OTUD7A: variants seen among roughly 807,000 people sequenced by gnomAD.
The protein encoded by OTUD7A is OTU domain-containing protein 7A.
A neutral mutation model predicts 65.7 loss-of-function variants in OTUD7A; 12 were observed. The ratio of observed to expected loss-of-function variants is 0.18; its 90% confidence interval spans 0.12 to 0.30. The LOEUF is 0.30. Ranked by LOEUF, OTUD7A falls within the 10% of genes least tolerant of loss-of-function variation. OTUD7A has a pLI of 1.00. For missense variants in OTUD7A, 1,148 were observed against 1,304.8 expected (o/e 0.88, Z 1.85); for synonymous variants, 641 against 586.3 (o/e 1.09, Z -1.35).
At chr15:31,761,605 A>G (rs1894965280) in intron 1 of OTUD7A, among the ~76,000 whole-genome samples, 1 of 152,240 alleles carries the variant, frequency 6.6e-6, no homozygotes, top group South Asian at 2.1e-4. Context: ...ACTTCAAAAA[A>G]TAGTTCAGCA....
Position 31,558,954 on chromosome 15 carries a change from G to A in OTUD7A, c.550+15C>T. On this transcript the variant is annotated intron_variant, in intron 5 of 12. Coordinates refer to ENST00000307050, the MANE Select transcript of OTUD7A (RefSeq NM_001382637.1). Reference sequence around the variant, plus strand: ...AAGCCTAAAGAGGGTGGGCCTGCTGGCAGGGGCAACTCACCTGCCTGCTCC... The same window carrying A: ...AAGCCTAAAGAGGGTGGGCCTGCTGACAGGGGCAACTCACCTGCCTGCTCC... 1.2e-6 allele frequency: 2 copies of A among 1,613,638 alleles called. No homozygotes were observed. The highest frequency in any genetic ancestry group is 1.6e-4 in the Middle Eastern group (1 of 6,062).
intron 3 of OTUD7A, among the ~76,000 whole-genome samples, chr15:31,595,833 T>TTGCAAGGCTGTCAGCC (rs1219990935): frequency 6.6e-6 from 1 of 152,192 alleles, no homozygotes; most frequent in Non-Finnish European, 1.5e-5. Flanking sequence ...CCCTGTTTCC[T>TTGCAAGGCTGTCAGCC]TGCAGGCTGT....
intron 1 of OTUD7A, among the ~76,000 whole-genome samples, chr15:31,848,297 T>C (rs1225962485): frequency 6.6e-6 from 1 of 151,764 alleles, no homozygotes. Flanking sequence ...GGAGGGGCAA[T>C]AGCAAAAACA....
chr15:31,829,405 G>A (rs1896876864), intron 1 of OTUD7A, among the ~76,000 whole-genome samples: 1 of 152,230 alleles, frequency 6.6e-6, no homozygotes. Flanking sequence ...GAAGATGAAA[G>A]AAGGCTTCTG....
chr15:31,861,773 C>A (rs185767829), intron 1 of OTUD7A, among the ~76,000 whole-genome samples: 1 of 152,206 alleles, frequency 6.6e-6, no homozygotes, highest in African/African-American at 2.4e-5. Context: ...TAGCTGCAGA[C>A]CCACAATGCC....
At chr15:31,579,840 G>C (rs1301849177) in intron 3 of OTUD7A, among the ~76,000 whole-genome samples, 1 of 152,178 alleles carries the variant, frequency 6.6e-6, no homozygotes, top group African/African-American at 2.4e-5. Context: ...TTATGTGTGC[G>C]AGTGCACGTG....
At chr15:31,522,113 A>G (rs548312888) in intron 8 of OTUD7A, among the ~76,000 whole-genome samples, 1 of 152,242 alleles carries the variant, frequency 6.6e-6, no homozygotes, top group South Asian at 2.1e-4. Flanking sequence ...GGGACATTGG[A>G]AGCTAACCTG....
At chr15:31,840,788 G>T (rs114844933) in intron 1 of OTUD7A, among the ~76,000 whole-genome samples, 1 of 152,158 alleles carries the variant, frequency 6.6e-6, no homozygotes, top group Non-Finnish European at 1.5e-5. Context: ...ATCCCATTAC[G>T]AGAGTTTCCT....
intron 3 of OTUD7A, among the ~76,000 whole-genome samples, chr15:31,575,994 T>C (rs1889192766): frequency 6.6e-6 from 1 of 151,886 alleles, no homozygotes; most frequent in South Asian, 2.1e-4. Flanking sequence ...CTGAGGGATA[T>C]ATTTAAAAGA....
At chr15:31,776,024 G>C (rs1485491098) in intron 1 of OTUD7A, among the ~76,000 whole-genome samples, 1 of 152,206 alleles carries the variant, frequency 6.6e-6, no homozygotes, top group Non-Finnish European at 1.5e-5. Context: ...AAGACACACA[G>C]GGAAGAGTAC....
chr15:31,781,438 A>C (rs1895536933), intron 1 of OTUD7A, among the ~76,000 whole-genome samples: 1 of 152,168 alleles, frequency 6.6e-6, no homozygotes, highest in Admixed American at 6.5e-5. Flanking sequence ...CCCAGACATC[A>C]TGGACCACAC....
rs2041817621 is a variant in OTUD7A at position 31,514,791 on chromosome 15, AACTT to A, written c.894-10977_894-10974del. On this transcript the variant is annotated intron_variant, in intron 8 of 12. Transcript: ENST00000307050. Reference sequence around the variant, plus strand: ...GCTTTGCCCCACCTAATGGCTTTAGAACTTACTTTTTCAGCAAGGAAGGAAAGGG... The same window carrying A: ...GCTTTGCCCCACCTAATGGCTTTAGAACTTTTTCAGCAAGGAAGGAAAGGG... Among the ~76,000 whole-genome samples the A allele has an allele frequency of 3.3e-5, 5 of 152,326 alleles. No individual in the cohort carries two copies. In the South Asian group the frequency reaches 1.0e-3, roughly 32 times the overall value.
rs1328581679 is a variant in OTUD7A, at chr15:31,511,172, TGTATATCTATATGTAACACAC to T, written c.894-7375_894-7355del. On this transcript the variant is annotated intron_variant, in intron 8 of 12. Coordinates refer to ENST00000307050, the MANE Select transcript of OTUD7A (RefSeq NM_001382637.1). ...TGTATATCTATATGTAACATACATA[TGTATATCTATATGTAACACAC>T]ATATGTATATCTATATGTAACACAC... is the stretch of plus-strand genomic sequence containing the variant. 2.9e-3 allele frequency among the ~76,000 whole-genome samples: 25 copies of T among 8,728 alleles called. 2 individuals are homozygous for T. The highest frequency in any genetic ancestry group is 4.5e-3 in the Non-Finnish European group (24 of 5,360). 5.7% of individuals were successfully genotyped at this position (8,728 alleles called of 152,430 possible).
intron 10 of OTUD7A, among the ~76,000 whole-genome samples, chr15:31,488,502 C>A (rs918118811): frequency 6.6e-6 from 1 of 152,102 alleles, no homozygotes; most frequent in African/African-American, 2.4e-5. Context: ...GGGAGATGGT[C>A]TCCCCAAGTC....
At chr15:31,664,643 C>A (rs187567401) in intron 1 of OTUD7A, among the ~76,000 whole-genome samples, 1 of 152,152 alleles carries the variant, frequency 6.6e-6, no homozygotes, top group African/African-American at 2.4e-5. Flanking sequence ...TTTTACCATG[C>A]AAAAGCTCTT....
chr15:31,813,062 A>G (rs1289537069), intron 1 of OTUD7A, among the ~76,000 whole-genome samples: 2 of 152,240 alleles, frequency 1.3e-5, no homozygotes, highest in Non-Finnish European at 2.9e-5. Context: ...AGGTAGAAGC[A>G]AGACACCTGA....
intron 1 of OTUD7A, among the ~76,000 whole-genome samples, chr15:31,754,762 T>C (rs1894761275): frequency 1.3e-5 from 2 of 152,240 alleles, no homozygotes; most frequent in Admixed American, 1.3e-4. Context: ...ACTATGGGCT[T>C]ATAGTATAGT....
chr15:31,668,142 T>C (rs1321178541), intron 1 of OTUD7A, among the ~76,000 whole-genome samples: 1 of 152,226 alleles, frequency 6.6e-6, no homozygotes, highest in Non-Finnish European at 1.5e-5. Context: ...CTTTTTGAGA[T>C]GAATTTCCCA....
chr15:31,673,491 G>A (rs757779075), intron 1 of OTUD7A, among the ~76,000 whole-genome samples: 3 of 152,156 alleles, frequency 2.0e-5, no homozygotes, highest in African/African-American at 4.8e-5. Flanking sequence ...CTGAAAATGC[G>A]CAGCAGAGCT....
Sources: gnomAD v4.1 joint callset for allele counts (sites outside exome capture counted in the v4.1 genomes callset) on GRCh38, gnomAD v4.1.1 for gene constraint, MANE v1.5 for transcripts, NCBI Gene and HGNC (gene_info 2026-07-23, HGNC 2026-07-21) for gene names.